LUZP2: variants seen among roughly 807,000 people sequenced by gnomAD.
The protein encoded by LUZP2 is leucine zipper protein 2.
LUZP2 carries 52 observed loss-of-function variants against 51.6 expected under a neutral mutation model. The observed-to-expected ratio is 1.01, with a 90% CI of 0.81 to 1.27. The LOEUF (loss-of-function observed/expected upper bound fraction) is 1.27, where lower values mean the gene tolerates loss of function less well. LUZP2 is among the 50% of genes most tolerant of loss of function. The probability of loss-of-function intolerance (pLI) is 0.00; values close to 1 mark genes in which losing one functional copy is unlikely to be tolerated. For synonymous variants in LUZP2, 154 were observed against 137.3 expected (o/e 1.12, Z -0.85); for missense variants, 436 against 395.4 (o/e 1.10, Z -0.87).
chr11:24,654,622 C>T (rs1590300690), intron 1 of LUZP2, among the ~76,000 whole-genome samples: 2 of 151,438 alleles, frequency 1.3e-5, no homozygotes, highest in Admixed American at 1.3e-4. Flanking sequence ...CCTGCCTCAG[C>T]ACTCCCACCC....
intron 1 of LUZP2, among the ~76,000 whole-genome samples, chr11:24,576,631 C>T (rs1486913516): frequency 1.3e-5 from 2 of 151,660 alleles, no homozygotes; most frequent in African/African-American, 4.8e-5. Flanking sequence ...TTGCCAATGC[C>T]AAACATTCTA....
intron 5 of LUZP2, among the ~76,000 whole-genome samples, chr11:24,833,728 A>ACACACACACT (rs1554918546): frequency 0.028 from 4,308 of 151,394 alleles, 77 homozygotes; most frequent in African/African-American, 0.044. Context: ...ACACACACAC[A>ACACACACACT]CACTTGATTC....
intron 6 of LUZP2, among the ~76,000 whole-genome samples, chr11:24,908,838 C>T (rs1437455934): frequency 6.6e-6 from 1 of 150,848 alleles, no homozygotes; most frequent in African/African-American, 2.4e-5. Context: ...TCACTGCAAG[C>T]TCCACCTCCC....
intron 3 of LUZP2, among the ~76,000 whole-genome samples, chr11:24,737,967 G>A (rs889957003): frequency 9.2e-5 from 14 of 151,920 alleles, no homozygotes; most frequent in African/African-American, 2.4e-4. Flanking sequence ...TGATTCAAAC[G>A]TGGGATTTTT....
intron 1 of LUZP2, among the ~76,000 whole-genome samples, chr11:24,514,999 CGTT>C (rs1480455899): frequency 6.6e-6 from 1 of 152,106 alleles, no homozygotes; most frequent in Non-Finnish European, 1.5e-5. Flanking sequence ...GGTGAACAAT[CGTT>C]GTCATTGAAA....
intron 9 of LUZP2, among the ~76,000 whole-genome samples, chr11:25,044,538 A>C (rs1858230164): frequency 6.6e-6 from 1 of 151,998 alleles, no homozygotes. Flanking sequence ...TAAAAAATTA[A>C]CTTTTATACT....
intron 9 of LUZP2, among the ~76,000 whole-genome samples, chr11:25,025,964 TAGAA>T (rs1002364195): frequency 6.6e-6 from 1 of 151,970 alleles, no homozygotes; most frequent in Non-Finnish European, 1.5e-5. Flanking sequence ...TATGCAGCCA[TAGAA>T]AGAATGAGTT....
intron 5 of LUZP2, among the ~76,000 whole-genome samples, chr11:24,889,372 C>T (rs77652035): frequency 0.013 from 1,922 of 152,184 alleles, 18 homozygotes; most frequent in South Asian, 0.037. Flanking sequence ...GTGATGCAAA[C>T]GACATTACCA....
intron 1 of LUZP2, among the ~76,000 whole-genome samples, chr11:24,503,942 A>G (rs1052561186): frequency 2.6e-5 from 4 of 151,806 alleles, no homozygotes; most frequent in African/African-American, 9.7e-5. Context: ...AAAGGGAATT[A>G]CAGTAATAAG....
At chr11:24,666,414 A>G (rs1377653876) in intron 1 of LUZP2, among the ~76,000 whole-genome samples, 2 of 152,158 alleles carry the variant, frequency 1.3e-5, no homozygotes, top group Non-Finnish European at 1.5e-5. Flanking sequence ...ACAGACAACC[A>G]TTGAGGAGAA....
At chr11:24,875,683 C>T (rs1200177327) in intron 5 of LUZP2, among the ~76,000 whole-genome samples, 1 of 150,742 alleles carries the variant, frequency 6.6e-6, no homozygotes, top group Non-Finnish European at 1.5e-5. Flanking sequence ...GCCACACTGA[C>T]TTCCACAATG....
chr11:24,655,048 T>C (rs1318622683), intron 1 of LUZP2, among the ~76,000 whole-genome samples: 1 of 152,158 alleles, frequency 6.6e-6, no homozygotes, highest in African/African-American at 2.4e-5. Context: ...AAGCATAGTA[T>C]GTTGCAGAAA....
chr11:24,626,344 C>A (rs1193851894), intron 1 of LUZP2, among the ~76,000 whole-genome samples: 1 of 152,132 alleles, frequency 6.6e-6, no homozygotes, highest in South Asian at 2.1e-4. Flanking sequence ...ATTGCAGCAT[C>A]CTTAGCAAGC....
chr11:24,667,922 A>G (rs556297575), intron 1 of LUZP2, among the ~76,000 whole-genome samples: 1 of 152,324 alleles, frequency 6.6e-6, no homozygotes, highest in African/African-American at 2.4e-5. Flanking sequence ...AGGGTAATTC[A>G]CATGATAGAT....
chr11:24,849,750 A>G (rs1851328103), intron 5 of LUZP2, among the ~76,000 whole-genome samples: 2 of 152,132 alleles, frequency 1.3e-5, no homozygotes, highest in South Asian at 4.1e-4. Flanking sequence ...CAACAGTATA[A>G]AAGCGATCCT....
At chr11:24,967,379 A>G (rs12789676) in intron 7 of LUZP2, among the ~76,000 whole-genome samples, 3 of 118,070 alleles carry the variant, frequency 2.5e-5, no homozygotes, top group Non-Finnish European at 5.6e-5. Flanking sequence ...TAAAATTTTT[A>G]TTAGTCTTAG....
At chr11:24,593,094 T>A (rs2133845993) in intron 1 of LUZP2, among the ~76,000 whole-genome samples, 1 of 152,262 alleles carries the variant, frequency 6.6e-6, no homozygotes, top group South Asian at 2.1e-4. Context: ...TTCTACACAT[T>A]AGGCCTTGAG....
At chr11:24,581,716 T>G (rs1397045454) in intron 1 of LUZP2, among the ~76,000 whole-genome samples, 2 of 127,222 alleles carry the variant, frequency 1.6e-5, no homozygotes, top group Non-Finnish European at 3.4e-5. Flanking sequence ...TAAATATAAA[T>G]ATAAATATAA....
intron 1 of LUZP2, among the ~76,000 whole-genome samples, chr11:24,709,047 G>C (rs531102852): frequency 6.6e-6 from 1 of 152,156 alleles, no homozygotes; most frequent in East Asian, 1.9e-4. Context: ...TCTAGAAGTA[G>C]AAAGAGTTAA....
Sources: allele counts gnomAD v4.1 joint callset (sites outside exome capture counted in the v4.1 genomes callset), GRCh38; gene constraint gnomAD v4.1.1; transcripts MANE v1.5; gene names NCBI Gene and HGNC (gene_info 2026-07-23, HGNC 2026-07-21).